FBLN2: variants seen among roughly 807,000 people sequenced by gnomAD.
FBLN2 encodes fibulin-2.
A neutral mutation model predicts 123.7 loss-of-function variants in FBLN2; 81 were observed. That is an observed-to-expected ratio of 0.65 (90% CI 0.55 to 0.79). The LOEUF is 0.79. FBLN2 is among the 30% of genes least tolerant of loss of function. FBLN2 has a pLI of 0.00. For synonymous variants in FBLN2, 699 were observed against 701.4 expected (o/e 1.00, Z 0.05); for missense variants, 1,603 against 1,681.3 (o/e 0.95, Z 0.81).
At chr3:13,611,128 C>T (rs998776736) in intron 4 of FBLN2, among the ~76,000 whole-genome samples, 1 of 151,872 alleles carries the variant, frequency 6.6e-6, no homozygotes, top group Non-Finnish European at 1.5e-5. Flanking sequence ...TGTATTTTTA[C>T]TAGAGATGGG....
chr3:13,627,087 G>A (rs1706069140), intron 10 of FBLN2, among the ~76,000 whole-genome samples: 3 of 151,966 alleles, frequency 2.0e-5, no homozygotes, highest in African/African-American at 7.3e-5. Flanking sequence ...TTGGGGCAGC[G>A]GGGTCCACAC....
intron 2 of FBLN2, among the ~76,000 whole-genome samples, chr3:13,584,054 A>G (rs1704421182): frequency 6.6e-6 from 1 of 152,072 alleles, no homozygotes; most frequent in Admixed American, 6.6e-5. Flanking sequence ...GGCCGTGGGG[A>G]CCAGAGACTG....
chr3:13,567,971 A>G (rs991982511), intron 1 of FBLN2, among the ~76,000 whole-genome samples: 1 of 152,132 alleles, frequency 6.6e-6, no homozygotes, highest in Non-Finnish European at 1.5e-5. Flanking sequence ...AAACAAACAG[A>G]AAGAACTGTT....
chr3:13,587,866 C>T (rs1241315355), intron 2 of FBLN2, among the ~76,000 whole-genome samples: 3 of 152,190 alleles, frequency 2.0e-5, no homozygotes, highest in Admixed American at 2.0e-4. Flanking sequence ...GGAGGCACCC[C>T]CCAATCTTGC....
intron 2 of FBLN2, among the ~76,000 whole-genome samples, chr3:13,573,574 C>A (rs961655464): frequency 6.6e-6 from 1 of 152,158 alleles, no homozygotes; most frequent in African/African-American, 2.4e-5. Context: ...AGCATCTTAC[C>A]GGCTCCTGTG....
chr3:13,561,394 G>C (rs1410487128), intron 1 of FBLN2, among the ~76,000 whole-genome samples: 3 of 151,998 alleles, frequency 2.0e-5, no homozygotes, highest in Non-Finnish European at 4.4e-5. Context: ...CCTCTCCTTG[G>C]CATCTCTTCT....
rs1462269336 is a variant in FBLN2, at chr3:13,570,501, T to C, written c.146T>C (p.Leu49Pro). Residue 49 changes from leucine (L) to proline (P), a missense_variant, in exon 2 of 18, where the codon CTG (leucine) becomes CCG (proline). Transcript: ENST00000404922. ...PPLENCIEEA[L>P]EPGACCATCV... ...CTGGAGAACTGCATTGAGGAGGCGC[T>C]GGAGCCGGGTGCCTGCTGTGCCACG... The C allele has an allele frequency of 1.3e-6, 2 of 1,585,164 alleles. No individual in the cohort carries two copies.
chr3:13,576,348 A>T (rs1003586446), intron 2 of FBLN2, among the ~76,000 whole-genome samples: 1 of 152,188 alleles, frequency 6.6e-6, no homozygotes, highest in Non-Finnish European at 1.5e-5. Flanking sequence ...CACAGCCCCC[A>T]GTCTGTGAAC....
At chr3:13,592,132 C>G (rs2124857279) in intron 2 of FBLN2, among the ~76,000 whole-genome samples, 1 of 151,760 alleles carries the variant, frequency 6.6e-6, no homozygotes, top group South Asian at 2.1e-4. Flanking sequence ...AAGCGATCCT[C>G]CTTCTGCCTC....
chr3:13,578,027 G>C (rs971965441), intron 2 of FBLN2, among the ~76,000 whole-genome samples: 1 of 152,250 alleles, frequency 6.6e-6, no homozygotes, highest in Non-Finnish European at 1.5e-5. Flanking sequence ...AGTGGGTCTG[G>C]GTGGCTGGTA....
rs370716643 is a variant in FBLN2 at position 13,621,762 on chromosome 3, C to T, written c.2156-13C>T. The T allele has an allele frequency of 1.2e-5, 20 of 1,613,408 alleles. No homozygotes were observed. The highest frequency in any genetic ancestry group is 9.9e-5 in the South Asian group (9 of 91,040). On this transcript the variant is annotated splice_polypyrimidine_tract_variant and intron_variant, in intron 8 of 17. Coordinates refer to ENST00000404922, the MANE Select transcript of FBLN2 (RefSeq NM_001004019.2). ...AACAGTCCTTCTGTTTTTCCTCCTG[C>T]GGCTGCCACTAGACCAAGACGAGTG...
intron 1 of FBLN2, among the ~76,000 whole-genome samples, chr3:13,566,968 C>T (rs762223355): frequency 1.3e-5 from 2 of 152,224 alleles, no homozygotes; most frequent in African/African-American, 2.4e-5. Context: ...GGGCCAGGGC[C>T]GTGCCTGGGG....
chr3:13,612,780 G>A (rs1209635868), intron 4 of FBLN2, among the ~76,000 whole-genome samples: 2 of 152,192 alleles, frequency 1.3e-5, no homozygotes, highest in Non-Finnish European at 2.9e-5. Context: ...TGCAAACTAA[G>A]TGTTAAGTAT....
intron 1 of FBLN2, among the ~76,000 whole-genome samples, chr3:13,561,635 A>G (rs1703609687): frequency 6.6e-6 from 1 of 152,146 alleles, no homozygotes; most frequent in Non-Finnish European, 1.5e-5. Flanking sequence ...GTTGCCTCCT[A>G]GGCCTCCTCG....
chr3:13,579,775 G>T (rs1704263559), intron 2 of FBLN2, among the ~76,000 whole-genome samples: 1 of 152,232 alleles, frequency 6.6e-6, no homozygotes, highest in Non-Finnish European at 1.5e-5. Flanking sequence ...CCATGCCCCA[G>T]TGTGGAATTG....
rs766448299 is a variant in FBLN2, at chr3:13,619,034, G to A, written c.2053+17G>A. 3 of 1,585,962 alleles carry A rather than the reference G, an allele frequency of 1.9e-6. No homozygotes were observed. Among genetic ancestry groups the A allele is most frequent in the African/African-American group, 1.3e-5 (1 of 74,534 alleles). ...CCTGCAAAGGTAAGCAGTGTGGGTG[G>A]TGTCTCCAGGACAGGGCCCAGGGTC... On this transcript the variant is annotated intron_variant, in intron 7 of 17. Transcript: ENST00000404922.
At position 13,629,181 on chromosome 3, in the gene FBLN2, A is replaced by G. The variant is rs769678847; in HGVS notation, c.2731A>G (p.Thr911Ala). 6.2e-7 allele frequency: 1 copy of G among 1,612,918 alleles called. No individual in the cohort carries two copies. The highest frequency in any genetic ancestry group is 2.2e-5 in the East Asian group (1 of 44,864). The change falls in exon 13 of 18, where the codon ACA (threonine) becomes GCA (alanine). Residue 911 changes from threonine to alanine, a missense_variant. Transcript: ENST00000404922. Reference protein sequence around the residue: ...TKCVDVNECETGVHRCGEGQV... With the variant: ...TKCVDVNECEAGVHRCGEGQV... ...CCCCACAGACGTGAATGAGTGTGAGACAGGTGTGCACCGCTGCGGTGAGGG... is the reference window on the plus strand; with the variant it reads ...CCCCACAGACGTGAATGAGTGTGAGGCAGGTGTGCACCGCTGCGGTGAGGG...
chr3:13,569,384 A>G (rs1319778951), intron 1 of FBLN2, among the ~76,000 whole-genome samples: 1 of 151,902 alleles, frequency 6.6e-6, no homozygotes, highest in African/African-American at 2.4e-5. Context: ...CTCAGGCCAG[A>G]CTGGGTTCCC....
At chr3:13,628,512 C>T (rs181485133) in intron 11 of FBLN2, among the ~76,000 whole-genome samples, 32 of 152,338 alleles carry the variant, frequency 2.1e-4, no homozygotes, top group African/African-American at 7.0e-4. Flanking sequence ...ATTCTACCCG[C>T]TCTGCGCCCC....
Sources: allele counts gnomAD v4.1 joint callset (sites outside exome capture counted in the v4.1 genomes callset), GRCh38; gene constraint gnomAD v4.1.1; transcripts MANE v1.5; gene names NCBI Gene and HGNC (gene_info 2026-07-23, HGNC 2026-07-21).